ANKRD54: variants seen among roughly 807,000 people sequenced by gnomAD.
ANKRD54 encodes ankyrin repeat domain 54, also known as ankyrin repeat domain-containing protein 54.
In ANKRD54, 26 loss-of-function variants were observed where a neutral mutation model predicts 36.2. The ratio of observed to expected loss-of-function variants is 0.72; its 90% CI spans 0.53 to 1.00. The LOEUF (loss-of-function observed/expected upper bound fraction) is 1.00, where lower values mean the gene tolerates loss of function less well. ANKRD54 is among the 50% of genes least tolerant of loss of function. The pLI, the probability that ANKRD54 is intolerant of heterozygous loss-of-function variation, is 0.00. For synonymous variants in ANKRD54, 209 were observed against 188.4 expected (o/e 1.11, Z -0.89); for missense variants, 384 against 424.3 (o/e 0.91, Z 0.83).
Position 37,843,927 on chromosome 22 carries a change from C to A in ANKRD54, c.312G>T (p.Thr104=). The change falls in exon 1 of 8, where the codon ACG becomes ACT. Residue 104 remains threonine (T), a synonymous_variant. Transcript: ENST00000215941. ...AARPHRRLGP[T]GKEVHALKRL... ...GCCGCTCACCGTGCACCTCCTTGCCCGTGGGCCCGAGCCGCCGGTGGGGCC... is the reference window on the plus strand; with the variant it reads ...GCCGCTCACCGTGCACCTCCTTGCCAGTGGGCCCGAGCCGCCGGTGGGGCC... 1 of 1,351,488 alleles carries A rather than the reference C, an allele frequency of 7.4e-7. No individual in the cohort carries two copies. The highest frequency in any genetic ancestry group is 9.5e-7 in the Non-Finnish European group (1 of 1,054,804). 83.7% of individuals were successfully genotyped at this position (1,351,488 alleles called of 1,614,324 possible).
chr22:37,833,933 A>C (rs1923215328), intron 3 of ANKRD54, 178 bp from the exon 4 acceptor site: 1 of 609,420 alleles, frequency 1.6e-6, no homozygotes, highest in Admixed American at 2.6e-5. Context: ...TCATGGGCAA[A>C]GCCCTGAGGG....
At chr22:37,847,855 T>C, upstream of ANKRD54, 1 of 364,940 alleles carries the variant, frequency 2.7e-6, no homozygotes, top group Non-Finnish European at 5.6e-6. Flanking sequence ...GAACGCAGCA[T>C]AGGGAGTTGG....
intron 1 of ANKRD54, 130 bp downstream of exon 1, chr22:37,843,781 C>T: frequency 1.8e-6 from 1 of 547,408 alleles, no homozygotes; most frequent in South Asian, 9.2e-5. Flanking sequence ...CAGTGTGGCC[C>T]TCAGCGCAGA....
rs1922901570 is a variant in ANKRD54, at chr22:37,831,725, G to A, written c.*218C>T. 3 of 576,952 alleles carry A rather than the reference G, an allele frequency of 5.2e-6. No individual in the cohort carries two copies. Among genetic ancestry groups the A allele is most frequent in the Non-Finnish European group, 9.3e-6 (3 of 322,522 alleles). The allele number at this position is 576,952 out of a possible 1,614,324, so 35.7% of individuals were successfully genotyped here. On this transcript the variant is annotated 3_prime_UTR_variant, in exon 8 of 8. Coordinates refer to ENST00000215941, the MANE Select transcript of ANKRD54 (RefSeq NM_138797.4). ...CTGCGAGAACTGGAAGAAGCTGGGA[G>A]CTGTGGTCCCTGTCCACAGAGATGC... is the stretch of plus-strand genomic sequence containing the variant.
Position 37,833,724 on chromosome 22 carries a change from A to G in ANKRD54, c.507T>C (p.Pro169=), listed in dbSNP as rs537182803. The G allele has an allele frequency of 9.9e-6, 16 of 1,614,168 alleles. No individual in the cohort carries two copies. Among genetic ancestry groups the G allele is most frequent in the African/African-American group, 1.3e-5 (1 of 75,064 alleles). ...VQLLLDHGAD[P]NQRDGLGNTP... ...TGTTCCCCAGCCCATCTCGCTGGTTAGGATCAGCACCATGGTCCAGGAGCA... is the reference window on the plus strand; with the variant it reads ...TGTTCCCCAGCCCATCTCGCTGGTTGGGATCAGCACCATGGTCCAGGAGCA... The change falls in exon 4 of 8, where the codon CCT becomes CCC. Residue 169 remains proline (P), a synonymous_variant. Coordinates refer to ENST00000215941, the MANE Select transcript of ANKRD54 (RefSeq NM_138797.4).
At chr22:37,840,127 C>A (rs925714178) in intron 2 of ANKRD54, 60 bp downstream of exon 2, 2 of 1,597,756 alleles carry the variant, frequency 1.3e-6, no homozygotes, top group African/African-American at 1.3e-5. Flanking sequence ...GATTACCTGG[C>A]CTTTTCCTTC....
chr22:37,833,650 A>C, intron 4 of ANKRD54, 34 bp downstream of exon 4: 1 of 1,611,054 alleles, frequency 6.2e-7, no homozygotes, highest in Non-Finnish European at 8.5e-7. Flanking sequence ...CTTTGCTGCA[A>C]ATGAGTTGTC....
At chr22:37,839,003 C>A (rs1464479514) in intron 2 of ANKRD54, among the ~76,000 whole-genome samples, 1 of 152,020 alleles carries the variant, frequency 6.6e-6, no homozygotes, top group Non-Finnish European at 1.5e-5. Flanking sequence ...GGCAGCAATC[C>A]CCCAGCTACT....
chr22:37,843,637 T>A (rs1924559952), intron 1 of ANKRD54: 1 of 244,202 alleles, frequency 4.1e-6, no homozygotes, highest in Non-Finnish European at 7.7e-6. Context: ...TATTCACCAA[T>A]AAGCGTTCCG....
At chr22:37,843,796 G>C in intron 1 of ANKRD54, 115 bp downstream of exon 1, 1 of 704,608 alleles carries the variant, frequency 1.4e-6, no homozygotes, top group Non-Finnish European at 1.9e-6. Flanking sequence ...CGCAGACGTC[G>C]GGGGACCCCG....
At chr22:37,840,134 C>G in intron 2 of ANKRD54, 53 bp downstream of exon 2, 1 of 1,610,148 alleles carries the variant, frequency 6.2e-7, no homozygotes, top group Non-Finnish European at 8.5e-7. Context: ...TGGCCTTTTC[C>G]TTCCCCAACC....
chr22:37,843,912 G>T lies in ANKRD54; in HGVS notation c.327C>A (p.His109Gln). ...RRLGPTGKEV[H>Q]ALKRLRDSAN... The stretch of plus-strand genomic sequence containing the variant: ...CCCCGCGCCGCTCGCGCCGCTCACC[G>T]TGCACCTCCTTGCCCGTGGGCCCGA... The change falls in exon 1 of 8, where the codon CAC (histidine) becomes CAA (glutamine). Residue 109 changes from histidine to glutamine, a missense_variant and splice_region_variant. Physicochemically the swap from His to Gln is conservative, Grantham distance 24 (BLOSUM62 0). This residue lies in a region of ANKRD54 where 195 missense variants were observed against 177.7 expected (regional missense o/e 1.10). Coordinates refer to ENST00000215941, the MANE Select transcript of ANKRD54 (RefSeq NM_138797.4). 2 of 1,291,932 alleles carry T rather than the reference G, an allele frequency of 1.5e-6. No individual in the cohort carries two copies. Among genetic ancestry groups the T allele is most frequent in the East Asian group, 3.3e-5 (1 of 30,586 alleles). 80.0% of individuals were successfully genotyped at this position (1,291,932 alleles called of 1,614,324 possible). A position where few individuals can be genotyped will look rare whatever the true frequency, so the allele number is the denominator to read the frequency against.
upstream of ANKRD54, chr22:37,844,370 G>A (rs1216212407): frequency 9.9e-7 from 1 of 1,014,736 alleles, no homozygotes; most frequent in Non-Finnish European, 1.4e-6. Context: ...CGGCAACCGA[G>A]CGGGGGCGGG....
At chr22:37,840,509 A>G (rs558143590) in intron 1 of ANKRD54, among the ~76,000 whole-genome samples, 238 of 152,280 alleles carry the variant, frequency 1.6e-3, no homozygotes, top group Non-Finnish European at 2.7e-3. Context: ...CAGTGAGCAG[A>G]GATCGCGCCA....
Position 37,833,189 on chromosome 22 carries a change from C to T in ANKRD54, c.565G>A (p.Val189Ile), listed in dbSNP as rs574259793. The change falls in exon 5 of 8, where the codon GTT (valine) becomes ATT (isoleucine). Residue 189 changes from valine to isoleucine, a missense_variant. Transcript: ENST00000215941. The part of the protein sequence containing the change: ...PLHLAACTNH[V>I]PVITTLLRGG... ...CGTAGCAGTGTGGTGATGACAGGAA[C>T]GTGGTTGGTGCAGGCCGCTGAGGAA... is the stretch of plus-strand genomic sequence containing the variant. The T allele has an allele frequency of 8.0e-5, 129 of 1,613,710 alleles. No homozygotes were observed. In the South Asian group the frequency reaches 9.2e-4, roughly 12 times the overall value.
At chr22:37,832,074 G>T in intron 7 of ANKRD54, 57 bp from the exon 8 acceptor site, 3 of 1,528,714 alleles carry the variant, frequency 2.0e-6, no homozygotes, top group South Asian at 1.2e-5. Context: ...GGGCTCCTGG[G>T]TCTCTTCCAC....
rs1922803335 is a variant in ANKRD54 at position 37,830,933 on chromosome 22, T to C, written c.*1010A>G. 1 of 152,262 alleles carries C rather than the reference T, an allele frequency of 6.6e-6. No homozygotes were observed. The highest frequency in any genetic ancestry group is 1.5e-5 in the Non-Finnish European group (1 of 68,080). The allele number at this position is 152,262 out of a possible 1,614,324, so 9.4% of individuals were successfully genotyped here. A position where few individuals can be genotyped will look rare whatever the true frequency, so the allele number is the denominator to read the frequency against. On this transcript the variant is annotated 3_prime_UTR_variant, in exon 8 of 8. Coordinates refer to ENST00000215941, the MANE Select transcript of ANKRD54 (RefSeq NM_138797.4). The stretch of plus-strand genomic sequence containing the variant: ...TATAAAATTAGCCTCACTGAGCCAG[T>C]CCAGGTGGGAGCAGGGCTGGGGCCT...
At chr22:37,844,453 G>A, upstream of ANKRD54, 1 of 509,422 alleles carries the variant, frequency 2.0e-6, no homozygotes, top group Non-Finnish European at 3.4e-6. Context: ...CAATCGGAAA[G>A]GGAGGGCACA....
intron 1 of ANKRD54, among the ~76,000 whole-genome samples, chr22:37,840,461 AG>A (rs1405935576): frequency 6.6e-6 from 1 of 152,048 alleles, no homozygotes; most frequent in Admixed American, 6.6e-5. Flanking sequence ...CGGGAGGCTG[AG>A]GCGGGTGAAT....
Sources: gnomAD v4.1 joint callset for allele counts (sites outside exome capture counted in the v4.1 genomes callset) on GRCh38, gnomAD v4.1.1 for gene constraint, gnomAD v4.1.1 regional missense constraint, MANE v1.5 for transcripts, NCBI Gene and HGNC (gene_info 2026-07-23, HGNC 2026-07-21) for gene names.